COL23A1: variants seen among roughly 807,000 people sequenced by gnomAD.
COL23A1 encodes collagen type XXIII alpha 1 chain.
In COL23A1, 97 loss-of-function variants were observed where a neutral mutation model predicts 99.3. That is an observed-to-expected ratio of 0.98 (90% CI 0.83 to 1.16). The LOEUF (loss-of-function observed/expected upper bound fraction) is 1.16, where lower values mean the gene tolerates loss of function less well. Among genes scored for constraint, COL23A1 ranks in the 50% most tolerant of loss-of-function variants. COL23A1 has a pLI of 0.00. For missense variants in COL23A1, 762 were observed against 757.4 expected (o/e 1.01, Z -0.07); for synonymous variants, 320 against 308.2 (o/e 1.04, Z -0.40).
At chr5:178,289,350 T>C (rs1757328775) in intron 4 of COL23A1, among the ~76,000 whole-genome samples, 1 of 152,200 alleles carries the variant, frequency 6.6e-6, no homozygotes, top group African/African-American at 2.4e-5. Flanking sequence ...GGCACATCCT[T>C]TGCCCTGGAG....
At chr5:178,269,339 C>G (rs879420303) in intron 6 of COL23A1, among the ~76,000 whole-genome samples, 3,283 of 56,198 alleles carry the variant, frequency 0.058, 50 homozygotes, top group Non-Finnish European at 0.12. Flanking sequence ...ATGTATCCAT[C>G]CATCCATCCA....
intron 2 of COL23A1, among the ~76,000 whole-genome samples, chr5:178,556,190 C>G (rs1581631111): frequency 1.3e-5 from 2 of 152,212 alleles, no homozygotes; most frequent in African/African-American, 2.4e-5. Flanking sequence ...CAGCAGCTAT[C>G]TCGGATACAC....
At chr5:178,288,560 C>A (rs1293156005) in intron 4 of COL23A1, 1 of 628,640 alleles carries the variant, frequency 1.6e-6, no homozygotes, top group Non-Finnish European at 2.9e-6. Flanking sequence ...GGACCAAGAG[C>A]CTCAGGGCTT....
At chr5:178,263,033 T>G (rs554577917) in intron 9 of COL23A1, among the ~76,000 whole-genome samples, 175 bp downstream of exon 9, 1 of 152,110 alleles carries the variant, frequency 6.6e-6, no homozygotes, top group African/African-American at 2.4e-5. Flanking sequence ...AGGATCTGAA[T>G]TGGGGCTGGA....
chr5:178,537,287 G>C lies in COL23A1; in HGVS notation c.361+23395C>G, dbSNP rs922238701. On this transcript the variant is annotated intron_variant, in intron 2 of 28. Transcript: ENST00000390654. ...GCCCCCTCCCTGCCGCACCCTCAGG[G>C]TCTGCCAGTGTGGGCCTGAGGCCCG... 4.6e-5 allele frequency among the ~76,000 whole-genome samples: 7 copies of C among 152,254 alleles called. 1 individual carries two copies. Among genetic ancestry groups the C allele is most frequent in the Admixed American group, 3.9e-4 (6 of 15,290 alleles).
chr5:178,488,061 T>G, intron 2 of COL23A1, among the ~76,000 whole-genome samples: 1 of 152,192 alleles, frequency 6.6e-6, no homozygotes, highest in East Asian at 1.9e-4. Context: ...GTGAGAATGA[T>G]GAGAATAATG....
chr5:178,282,034 A>C lies in COL23A1; in HGVS notation c.441+6290T>G, dbSNP rs551915185. On this transcript the variant is annotated intron_variant, in intron 5 of 28. Coordinates refer to ENST00000390654, the MANE Select transcript of COL23A1 (RefSeq NM_173465.4). ...GCCACTGCACTCCAGCCTGGGCGACAGAGCAAGACACTGTCTCCAAAAAAA... is the reference window on the plus strand; with the variant it reads ...GCCACTGCACTCCAGCCTGGGCGACCGAGCAAGACACTGTCTCCAAAAAAA... 4.9e-5 allele frequency among the ~76,000 whole-genome samples: 7 copies of C among 142,326 alleles called. No homozygotes were observed. In the South Asian group the frequency reaches 1.6e-3, roughly 32 times the overall value. 93.4% of individuals were successfully genotyped at this position (142,326 alleles called of 152,430 possible). A position where few individuals can be genotyped will look rare whatever the true frequency, so the allele number is the denominator to read the frequency against.
At chr5:178,538,008 A>C (rs1164634132) in intron 2 of COL23A1, among the ~76,000 whole-genome samples, 1 of 152,198 alleles carries the variant, frequency 6.6e-6, no homozygotes, top group South Asian at 2.1e-4. Flanking sequence ...GGCTTAGTCG[A>C]ATTCATCCAC....
intron 2 of COL23A1, among the ~76,000 whole-genome samples, chr5:178,499,989 G>C (rs1051292737): frequency 4.6e-5 from 7 of 152,122 alleles, no homozygotes; most frequent in Non-Finnish European, 8.8e-5. Flanking sequence ...CAGTTACATA[G>C]ACTTCTTGGA....
intron 2 of COL23A1, among the ~76,000 whole-genome samples, chr5:178,538,197 C>CTT (rs1481386702): frequency 6.6e-6 from 1 of 152,226 alleles, no homozygotes; most frequent in Non-Finnish European, 1.5e-5. Flanking sequence ...CCAGAGGGCT[C>CTT]GTTTACCGCT....
chr5:178,445,452 A>C (rs1767104703), intron 2 of COL23A1, among the ~76,000 whole-genome samples: 1 of 152,074 alleles, frequency 6.6e-6, no homozygotes, highest in East Asian at 1.9e-4. Flanking sequence ...CCATTTGTAC[A>C]TGTTTATTCT....
intron 2 of COL23A1, among the ~76,000 whole-genome samples, chr5:178,527,701 C>CTCCCGGGGACCCCACTGCCT (rs1447589375): frequency 2.0e-5 from 3 of 152,208 alleles, no homozygotes; most frequent in Non-Finnish European, 4.4e-5. Context: ...GCTGTGTGTG[C>CTCCCGGGGACCCCACTGCCT]TCCCGGGGAC....
chr5:178,512,755 C>T (rs148592595), intron 2 of COL23A1, among the ~76,000 whole-genome samples: 18 of 152,308 alleles, frequency 1.2e-4, no homozygotes, highest in African/African-American at 4.3e-4. Context: ...CCCCCTTCCA[C>T]GCAGCCCCAA....
At chr5:178,391,985 G>A (rs1054589238) in intron 2 of COL23A1, among the ~76,000 whole-genome samples, 28 of 152,138 alleles carry the variant, frequency 1.8e-4, no homozygotes, top group East Asian at 3.8e-4. Context: ...AGAAAGTCAC[G>A]TATTATATGA....
rs1269724654 is a variant in COL23A1 at position 178,310,267 on chromosome 5, G to A, written c.362-3348C>T. 5.3e-5 allele frequency among the ~76,000 whole-genome samples: 8 copies of A among 152,100 alleles called. No homozygotes were observed. The highest frequency in any genetic ancestry group is 2.1e-4 in the South Asian group (1 of 4,820). ...GCTTGGAGACTGGATTGCAGGAGCC[G>A]CAGGAGTGGGGGCAGGACGGACGGC... On this transcript the variant is annotated intron_variant, in intron 2 of 28. Transcript: ENST00000390654. This position sits in a 1 kb window ranked among gnomAD's most constrained non-coding sequence, Gnocchi z 4.3.
chr5:178,403,637 T>C (rs1171195069), intron 2 of COL23A1, among the ~76,000 whole-genome samples: 3 of 152,234 alleles, frequency 2.0e-5, no homozygotes, highest in Admixed American at 6.5e-5. Flanking sequence ...GGCCAAGATC[T>C]TCAGGTACCT....
At chr5:178,383,322 C>T (rs547976768) in intron 2 of COL23A1, among the ~76,000 whole-genome samples, 1 of 152,212 alleles carries the variant, frequency 6.6e-6, no homozygotes, top group Non-Finnish European at 1.5e-5. Context: ...ATCTCTACCC[C>T]ACCTGATCAG....
At chr5:178,276,626 G>A (rs947903523) in intron 5 of COL23A1, among the ~76,000 whole-genome samples, 9 of 152,188 alleles carry the variant, frequency 5.9e-5, no homozygotes, top group African/African-American at 1.2e-4. Context: ...CCTTCAGGGC[G>A]GGTCAGCACC....
In COL23A1 at chr5:178,434,525, G is replaced by A. The variant is rs781011353; in HGVS notation, c.361+126157C>T. Among the ~76,000 whole-genome samples, 10 of 152,224 alleles carry A rather than the reference G, an allele frequency of 6.6e-5. No individual in the cohort carries two copies. The highest frequency in any genetic ancestry group is 6.5e-4 in the Admixed American group (10 of 15,286). ...GAGGTTGGGTGAAGATCAAAGGAGA[G>A]GAGGGGCAGCTGAGCCCCAGCCTGG... is the stretch of plus-strand genomic sequence containing the variant. On this transcript the variant is annotated intron_variant, in intron 2 of 28. Coordinates refer to ENST00000390654, the MANE Select transcript of COL23A1 (RefSeq NM_173465.4). This position sits in a 1 kb window ranked among gnomAD's most constrained non-coding sequence, Gnocchi z 4.3.
Sources: allele counts gnomAD v4.1 joint callset (sites outside exome capture counted in the v4.1 genomes callset), GRCh38; gene constraint gnomAD v4.1.1; non-coding constraint Gnocchi (gnomAD v3.1); transcripts MANE v1.5; gene names NCBI Gene and HGNC (gene_info 2026-07-23, HGNC 2026-07-21).